Variants in TNNI3K observed in about 807,000 individuals in gnomAD.
TNNI3K encodes the protein TNNI3 interacting kinase, also known as serine/threonine-protein kinase TNNI3K.
Under a neutral mutation model 114.5 loss-of-function variants are expected in TNNI3K, and 140 were observed. The ratio of observed to expected loss-of-function variants is 1.22; its 90% CI spans 1.07 to 1.41. The LOEUF (loss-of-function observed/expected upper bound fraction) is 1.41. TNNI3K is among the 40% of genes most tolerant of loss of function. The pLI is 0.00. For synonymous variants in TNNI3K, 347 were observed against 347.5 expected (o/e 1.00, Z 0.02); for missense variants, 1,125 against 1,007.6 (o/e 1.12, Z -1.58).
intron 9 of TNNI3K, chr1:74,345,734 T>C (rs1006508441): frequency 2.0e-5 from 3 of 152,162 alleles, no homozygotes; most frequent in African/African-American, 7.2e-5. Context: ...GTATTGTTAG[T>C]TAACAAGTGA....
chr1:74,444,103 A>T (rs1182286586), intron 20 of TNNI3K, among the ~76,000 whole-genome samples: 2 of 152,192 alleles, frequency 1.3e-5, no homozygotes, highest in African/African-American at 4.8e-5. Flanking sequence ...CTGGCACAAG[A>T]CAAGGATGCC....
chr1:74,239,228 A>G (rs981364896), intron 2 of TNNI3K, among the ~76,000 whole-genome samples: 1 of 152,068 alleles, frequency 6.6e-6, no homozygotes, highest in Non-Finnish European at 1.5e-5. Context: ...TCTGGGAGAA[A>G]AAAGTGAATT....
chr1:74,350,620 T>G (rs1661285807), intron 9 of TNNI3K, among the ~76,000 whole-genome samples: 1 of 152,104 alleles, frequency 6.6e-6, no homozygotes, highest in African/African-American at 2.4e-5. Context: ...TGTAGGTCAC[T>G]AAGGACTTGC....
intron 4 of TNNI3K, among the ~76,000 whole-genome samples, chr1:74,266,601 A>G (rs1656005824): frequency 6.6e-6 from 1 of 152,010 alleles, no homozygotes; most frequent in African/African-American, 2.4e-5. Flanking sequence ...GTACATTTTT[A>G]TACATCAGTT....
intron 17 of TNNI3K, among the ~76,000 whole-genome samples, chr1:74,402,442 C>T (rs771092348): frequency 6.6e-6 from 1 of 152,106 alleles, no homozygotes; most frequent in African/African-American, 2.4e-5. Flanking sequence ...CATTTTTCTC[C>T]TATTCTGGAA....
rs185792505 is a variant in TNNI3K at position 74,346,802 on chromosome 1, G to C, written c.932+3623G>C. 3.0e-4 allele frequency among the ~76,000 whole-genome samples: 45 copies of C among 151,624 alleles called. No homozygotes were observed. The East Asian group carries it at 8.2e-3, about 28-fold the overall frequency. On this transcript the variant is annotated intron_variant, in intron 9 of 24. Coordinates refer to ENST00000326637, the MANE Select transcript of TNNI3K (RefSeq NM_015978.3). ...AAGTCCAAGATCAAGGTGTCAACAG[G>C]TTTGGCTTCTCCTGCAGCCTCTTCC...
rs111863995 is a variant in TNNI3K, at chr1:74,412,225, G to A, written c.1773-23855G>A. 6.8e-3 allele frequency among the ~76,000 whole-genome samples: 1,027 copies of A among 152,104 alleles called. 12 individuals carry two copies. The highest frequency in any genetic ancestry group is 0.023 in the African/African-American group (968 of 41,494). On this transcript the variant is annotated intron_variant, in intron 17 of 24. Transcript: ENST00000326637. ...ATCCAGAGTAACTTTTCCAGACTAT[G>A]TAATTAATTCCATTATTCTTTGGTA...
intron 22 of TNNI3K, among the ~76,000 whole-genome samples, chr1:74,491,622 A>G (rs1669082111): frequency 6.6e-6 from 1 of 152,222 alleles, no homozygotes; most frequent in South Asian, 2.1e-4. Context: ...AAGACTTGCC[A>G]CACATTAAAG....
intron 5 of TNNI3K, among the ~76,000 whole-genome samples, chr1:74,292,112 A>T (rs1403659815): frequency 6.6e-6 from 1 of 151,316 alleles, no homozygotes; most frequent in African/African-American, 2.4e-5. Flanking sequence ...GATACTGATT[A>T]TTTTGGTCTC....
intron 17 of TNNI3K, among the ~76,000 whole-genome samples, chr1:74,414,147 T>G (rs1252460232): frequency 6.6e-6 from 1 of 152,202 alleles, no homozygotes; most frequent in Non-Finnish European, 1.5e-5. Flanking sequence ...AATCACGGAT[T>G]TAAAATCCTA....
At chr1:74,456,353 C>A (rs1667226155) in intron 20 of TNNI3K, among the ~76,000 whole-genome samples, 1 of 151,970 alleles carries the variant, frequency 6.6e-6, no homozygotes, top group Admixed American at 6.6e-5. Flanking sequence ...GGAGAAGGAG[C>A]CAAGGTGTGA....
intron 21 of TNNI3K, among the ~76,000 whole-genome samples, chr1:74,465,571 C>G (rs566654702): frequency 1.3e-5 from 2 of 152,320 alleles, no homozygotes; most frequent in East Asian, 3.9e-4. Context: ...TGGCCCGAGC[C>G]TCTCCTATGG....
intron 23 of TNNI3K, among the ~76,000 whole-genome samples, chr1:74,531,908 G>A (rs1646591171): frequency 6.6e-6 from 1 of 152,184 alleles, no homozygotes; most frequent in African/African-American, 2.4e-5. Flanking sequence ...AACTTGTGAG[G>A]CCTTAAATGG....
At chr1:74,383,988 A>G (rs893230970) in intron 17 of TNNI3K, among the ~76,000 whole-genome samples, 2 of 152,124 alleles carry the variant, frequency 1.3e-5, no homozygotes, top group African/African-American at 4.8e-5. Flanking sequence ...ATAGGAATGT[A>G]TAGTCATTTA....
rs1660449117 is a variant in TNNI3K at position 74,336,113 on chromosome 1, G to A, written c.646G>A (p.Ala216Thr). 2.5e-6 allele frequency: 4 copies of A among 1,603,754 alleles called. No homozygotes were observed. The highest frequency in any genetic ancestry group is 3.4e-6 in the Non-Finnish European group (4 of 1,177,094). ...ATCTGCAAAAGGATTCTTGAATATT[G>A]CAAAACTCTTGATGGAAGAAGGCAG... ...LASAKGFLNI[A>T]KLLMEEGSKA... Residue 216 changes from alanine (A) to threonine (T), a missense_variant, in exon 7 of 25, where the codon GCA (alanine) becomes ACA (threonine). By Grantham distance (58) the Ala-to-Thr change is moderately conservative (BLOSUM62 0). Transcript: ENST00000326637.
At chr1:74,240,405 G>A (rs1282688217) in intron 2 of TNNI3K, 1 of 152,334 alleles carries the variant, frequency 6.6e-6, no homozygotes, top group African/African-American at 2.4e-5. Flanking sequence ...TGAAGTAAGT[G>A]TTGCAATTGC....
chr1:74,439,736 G>A (rs1666294348), intron 20 of TNNI3K, 114 bp downstream of exon 20: 4 of 1,472,122 alleles, frequency 2.7e-6, no homozygotes, highest in Non-Finnish European at 3.6e-6. Context: ...GGCAAAAGAG[G>A]AGGTAAGCAA....
At chr1:74,376,140 C>T (rs1321746414) in intron 17 of TNNI3K, among the ~76,000 whole-genome samples, 23 of 151,874 alleles carry the variant, frequency 1.5e-4, no homozygotes, top group Admixed American at 1.5e-3. Flanking sequence ...TTGAAGATGA[C>T]ATTTAACTCA....
chr1:74,463,177 G>T (rs780388416), intron 20 of TNNI3K, among the ~76,000 whole-genome samples: 2 of 152,120 alleles, frequency 1.3e-5, no homozygotes, highest in Admixed American at 6.5e-5. Flanking sequence ...AAAACTACTT[G>T]CTCCTTGCAT....
Sources: gnomAD v4.1 joint callset for allele counts (sites outside exome capture counted in the v4.1 genomes callset) on GRCh38, gnomAD v4.1.1 for gene constraint, MANE v1.5 for transcripts, NCBI Gene and HGNC (gene_info 2026-07-23, HGNC 2026-07-21) for gene names.